The following ZZZ3 variants were observed in gnomAD, a reference collection of about 807,000 sequenced individuals.
ZZZ3 encodes the protein ZZ-type zinc finger-containing protein 3.
A neutral mutation model predicts 95.2 loss-of-function variants in ZZZ3; 22 were observed. That is an observed-to-expected ratio of 0.23 (90% CI 0.17 to 0.33). The LOEUF is 0.33. Among genes scored for constraint, ZZZ3 ranks in the 10% least tolerant of loss-of-function variants. The pLI is 1.00. For synonymous variants in ZZZ3, 335 were observed against 358.9 expected, an observed-to-expected ratio of 0.93 and a Z score of 0.75; for missense variants, 885 against 1,066.5, an observed-to-expected ratio of 0.83 and a Z score of 2.37.
chr1:77,611,232 C>CAAAA (rs142588523), intron 5 of ZZZ3, among the ~76,000 whole-genome samples: 7 of 57,270 alleles, frequency 1.2e-4, no homozygotes, highest in Non-Finnish European at 1.4e-4. Context: ...AAATACCTAC[C>CAAAA]AAAAAAAAAA....
In ZZZ3 at chr1:77,632,581, C is replaced by T; in HGVS notation, c.774G>A (p.Glu258=). 6.2e-7 allele frequency: 1 copy of T among 1,614,172 alleles called. No individual in the cohort carries two copies. Among genetic ancestry groups the T allele is most frequent in the Non-Finnish European group, 8.5e-7 (1 of 1,180,026 alleles). Residue 258 remains glutamate, a synonymous_variant, in exon 5 of 15, where the codon GAG becomes GAA. Transcript: ENST00000370801. ...GCACCTTATGGTCTATATAACTGTC[C>T]TCCTTCCTACTATCAAGGAACATTG... ...QTSMFLDSRK[E]DSYIDHKVPC...
chr1:77,567,855 A>T (rs1660974801), intron 13 of ZZZ3, among the ~76,000 whole-genome samples: 1 of 152,246 alleles, frequency 6.6e-6, no homozygotes, highest in East Asian at 1.9e-4. Flanking sequence ...AAACGGCTAA[A>T]CAAAAGCCCC....
intron 1 of ZZZ3, among the ~76,000 whole-genome samples, chr1:77,643,171 GA>G (rs889220300): frequency 3.5e-4 from 47 of 134,754 alleles, no homozygotes; most frequent in Admixed American, 4.4e-4. Flanking sequence ...GGGTAACAAA[GA>G]AAAAAAAAAA....
chr1:77,654,185 CAAAAAAAAAAAA>C (rs749067016), intron 1 of ZZZ3, among the ~76,000 whole-genome samples: 1 of 66,344 alleles, frequency 1.5e-5, no homozygotes, highest in Non-Finnish European at 3.1e-5. Context: ...GACTCCATCT[CAAAAAAAAAAAA>C]AAAAAAAAAA....
intron 4 of ZZZ3, among the ~76,000 whole-genome samples, chr1:77,636,245 T>C (rs1264829884): frequency 6.6e-6 from 1 of 152,190 alleles, no homozygotes; most frequent in Non-Finnish European, 1.5e-5. Context: ...AAAAACCTCT[T>C]AAATTATTCC....
At chr1:77,608,711 A>G (rs1665486833) in intron 5 of ZZZ3, among the ~76,000 whole-genome samples, 1 of 152,198 alleles carries the variant, frequency 6.6e-6, no homozygotes, top group African/African-American at 2.4e-5. Flanking sequence ...GCACAAAAAG[A>G]TATGAAACAA....
intron 9 of ZZZ3, chr1:77,579,830 T>C (rs1662325447): frequency 2.9e-6 from 1 of 345,960 alleles, no homozygotes; most frequent in Non-Finnish European, 5.2e-6. Context: ...AATTAGAGAA[T>C]AAACTTATGA....
intron 5 of ZZZ3, among the ~76,000 whole-genome samples, chr1:77,608,371 G>A (rs575493683): frequency 6.6e-6 from 1 of 152,188 alleles, no homozygotes; most frequent in South Asian, 2.1e-4. Flanking sequence ...AGTGCTGAAG[G>A]AAAAAAATTT....
In ZZZ3 at chr1:77,582,103, T is replaced by A. The variant is rs1570422435; in HGVS notation, c.1668A>T (p.Pro556=). 6.2e-7 allele frequency: 1 copy of A among 1,610,362 alleles called. No individual in the cohort carries two copies. Among genetic ancestry groups the A allele is most frequent in the East Asian group, 2.2e-5 (1 of 44,818 alleles). The change falls in exon 7 of 15, where the codon CCA becomes CCT. Residue 556 remains proline (P), a synonymous_variant. Transcript: ENST00000370801. ...QKKADIGLPY[P]QRVVQLPEIV... ...TCTCAGGCAATTGAACAACTCTCTG[T>A]GGATATGGAAGCCCAATATCAGCCT...
rs569360260 is a variant in ZZZ3, at chr1:77,645,923, A to G, written c.-402-4268T>C. Among the ~76,000 whole-genome samples the G allele has an allele frequency of 2.6e-3, 388 of 150,394 alleles. 7 individuals carry two copies. The highest frequency in any genetic ancestry group is 6.4e-4 in the South Asian group (3 of 4,700). On this transcript the variant is annotated intron_variant, in intron 1 of 14. Transcript: ENST00000370801. ...GAGGTGGTGGTTGCAGTGAGCCGAGATCACACCACTGCACTTCAGCCTGGG... is the reference window on the plus strand; with the variant it reads ...GAGGTGGTGGTTGCAGTGAGCCGAGGTCACACCACTGCACTTCAGCCTGGG...
intron 5 of ZZZ3, among the ~76,000 whole-genome samples, chr1:77,610,816 A>T (rs1665722419): frequency 6.6e-6 from 1 of 151,744 alleles, no homozygotes. Flanking sequence ...ATGTACCTCA[A>T]CACCCTCAAC....
intron 5 of ZZZ3, among the ~76,000 whole-genome samples, chr1:77,609,225 G>A (rs1019634079): frequency 6.6e-6 from 1 of 152,016 alleles, no homozygotes; most frequent in African/African-American, 2.4e-5. Context: ...CCAAAAAAGA[G>A]CAGGAATAGC....
In ZZZ3 at chr1:77,576,049, C is replaced by A; in HGVS notation, c.2331+19G>T. On this transcript the variant is annotated intron_variant, in intron 12 of 14. Coordinates refer to ENST00000370801, the MANE Select transcript of ZZZ3 (RefSeq NM_015534.6). Reference sequence around the variant, plus strand: ...TTCTATACCTTGATGTATATAACAACTTGATGTGTATAACTTACTGATGCA... The same window carrying A: ...TTCTATACCTTGATGTATATAACAAATTGATGTGTATAACTTACTGATGCA... 2 of 1,582,982 alleles carry A rather than the reference C, an allele frequency of 1.3e-6. No individual in the cohort carries two copies. The highest frequency in any genetic ancestry group is 1.7e-6 in the Non-Finnish European group (2 of 1,168,126).
intron 1 of ZZZ3, among the ~76,000 whole-genome samples, chr1:77,673,589 T>C (rs1445310390): frequency 6.6e-6 from 1 of 151,982 alleles, no homozygotes; most frequent in Non-Finnish European, 1.5e-5. Flanking sequence ...AGAGTGAGAC[T>C]GTGTCACACA....
At chr1:77,614,179 C>T (rs184187809) in intron 5 of ZZZ3, among the ~76,000 whole-genome samples, 201 of 152,274 alleles carry the variant, frequency 1.3e-3, no homozygotes, top group African/African-American at 4.3e-3. Context: ...CCTTAAATTA[C>T]TTTAGCCACA....
At chr1:77,673,359 G>A (rs1291201435) in intron 1 of ZZZ3, among the ~76,000 whole-genome samples, 1 of 152,160 alleles carries the variant, frequency 6.6e-6, no homozygotes, top group Non-Finnish European at 1.5e-5. Context: ...CACTTTGGGA[G>A]GCTGAGGAGG....
intron 4 of ZZZ3, 115 bp downstream of exon 4, chr1:77,639,333 CA>C: frequency 1.3e-6 from 1 of 747,528 alleles, no homozygotes; most frequent in South Asian, 3.1e-5. Context: ...AGCCAAACTA[CA>C]AGTTGCCACC....
chr1:77,634,155 G>C (rs867523392), intron 4 of ZZZ3, among the ~76,000 whole-genome samples: 1 of 151,968 alleles, frequency 6.6e-6, no homozygotes, highest in East Asian at 1.9e-4. Context: ...GGGCGACAGA[G>C]TGAGACTGTC....
At chr1:77,567,021 T>C (rs1471787630) in intron 13 of ZZZ3, among the ~76,000 whole-genome samples, 4 of 152,152 alleles carry the variant, frequency 2.6e-5, no homozygotes, top group Non-Finnish European at 5.9e-5. Context: ...AGAAACAGGG[T>C]CACTGAAAGA....
Sources: allele counts gnomAD v4.1 joint callset (sites outside exome capture counted in the v4.1 genomes callset), GRCh38; gene constraint gnomAD v4.1.1; transcripts MANE v1.5; gene names NCBI Gene and HGNC (gene_info 2026-07-23, HGNC 2026-07-21).